Variants in SMARCAD1 observed in about 807,000 individuals in gnomAD.
The protein encoded by SMARCAD1 is SNF2 related chromatin remodeling ATPase with DExD box 1, also known as SWI/SNF-related matrix-associated actin-dependent regulator of chromatin subfamily A containing DEAD/H box 1.
Under a neutral mutation model 127.1 loss-of-function variants are expected in SMARCAD1, and 25 were observed. The observed-to-expected ratio is 0.20, with a 90% CI of 0.14 to 0.27. The LOEUF (loss-of-function observed/expected upper bound fraction) is 0.27. SMARCAD1 is among the 10% of genes least tolerant of loss of function. The pLI, the probability that SMARCAD1 is intolerant of heterozygous loss-of-function variation, is 1.00. For missense variants in SMARCAD1, 807 were observed against 1,206.0 expected (o/e 0.67, Z 4.90); for synonymous variants, 400 against 396.9 (o/e 1.01, Z -0.09).
At chr4:94,235,936 G>A (rs1000814681) in intron 4 of SMARCAD1, among the ~76,000 whole-genome samples, 1 of 151,962 alleles carries the variant, frequency 6.6e-6, no homozygotes, top group South Asian at 2.1e-4. Flanking sequence ...GTGTAATTTA[G>A]TATATCACAC....
intron 12 of SMARCAD1, 53 bp from the exon 13 acceptor site, chr4:94,274,685 T>C: frequency 6.7e-7 from 1 of 1,497,172 alleles, no homozygotes; most frequent in Non-Finnish European, 9.3e-7. Context: ...AATTTAACCA[T>C]GTGAACATAC....
intron 23 of SMARCAD1, among the ~76,000 whole-genome samples, chr4:94,286,287 G>A (rs10027578): frequency 0.13 from 20,302 of 152,128 alleles, 1,660 homozygotes; most frequent in Non-Finnish European, 0.18. Flanking sequence ...TCTATGACAA[G>A]TCCAGAGTTC....
chr4:94,258,068 C>T lies in SMARCAD1; in HGVS notation c.1281+5061C>T, dbSNP rs538209981. Among the ~76,000 whole-genome samples the T allele has an allele frequency of 7.2e-4, 108 of 150,620 alleles. 2 individuals carry two copies. In the South Asian group the frequency reaches 0.022, roughly 30 times the overall value. ...TTTTTTTCCTAGTTGTTATTTGTCT[C>T]GGTTTTTCTCTTTATTTTCCTATAT... is the stretch of plus-strand genomic sequence containing the variant. On this transcript the variant is annotated intron_variant, in intron 9 of 23. Coordinates refer to ENST00000354268, the MANE Select transcript of SMARCAD1 (RefSeq NM_020159.5).
intron 6 of SMARCAD1, among the ~76,000 whole-genome samples, chr4:94,247,288 T>C: frequency 6.6e-6 from 1 of 152,282 alleles, no homozygotes; most frequent in African/African-American, 2.4e-5. Context: ...CTGGGTCGAA[T>C]CATATCCCTT....
Position 94,291,217 on chromosome 4 carries a change from CTAATG to C in SMARCAD1, c.*1684_*1688del. The C allele has an allele frequency of 2.2e-6, 1 of 453,902 alleles. No homozygotes were observed. The highest frequency in any genetic ancestry group is 4.4e-6 in the Non-Finnish European group (1 of 226,696). 28.1% of individuals were successfully genotyped at this position (453,902 alleles called of 1,614,324 possible). ...TGTTGTTATATCCATACTTTTATCT[CTAATG>C]AAATGTAGTTGGGTTCTTCCTGTAA... On this transcript the variant is annotated 3_prime_UTR_variant, in exon 24 of 24. Transcript: ENST00000354268.
At chr4:94,208,675 A>T (rs564764164) in intron 2 of SMARCAD1, 91 bp downstream of exon 2, 1 of 1,198,872 alleles carries the variant, frequency 8.3e-7, no homozygotes, top group African/African-American at 1.5e-5. Flanking sequence ...TCTTGATGTC[A>T]TATATATTGA....
Position 94,289,507 on chromosome 4 carries a change from A to G in SMARCAD1, c.3054A>G (p.Thr1018=), listed in dbSNP as rs1755419785. The change falls in exon 24 of 24, where the codon ACA becomes ACG. Residue 1018 remains threonine, a synonymous_variant. Coordinates refer to ENST00000354268, the MANE Select transcript of SMARCAD1 (RefSeq NM_020159.5). ...DEGSMPADIA[T]LLKTSMGL ...GGAGTATGCCAGCAGATATAGCCAC[A>G]TTACTAAAAACATCAATGGGCCTGT... 2 of 1,613,480 alleles carry G rather than the reference A, an allele frequency of 1.2e-6. No homozygotes were observed. Among genetic ancestry groups the G allele is most frequent in the Non-Finnish European group, 8.5e-7 (1 of 1,179,514 alleles).
chr4:94,211,677 T>G (rs2125785528), intron 2 of SMARCAD1, among the ~76,000 whole-genome samples: 1 of 152,288 alleles, frequency 6.6e-6, no homozygotes, highest in East Asian at 1.9e-4. Context: ...ATGACCCTCC[T>G]TCAGTTACTG....
At position 94,273,703 on chromosome 4, in the gene SMARCAD1, A is replaced by C; in HGVS notation, c.1659A>C (p.Pro553=). 6.2e-7 allele frequency: 1 copy of C among 1,613,032 alleles called. No homozygotes were observed. Among genetic ancestry groups the C allele is most frequent in the Non-Finnish European group, 8.5e-7 (1 of 1,179,134 alleles). Residue 553 remains proline (P), a synonymous_variant, in exon 12 of 24, where the codon CCA becomes CCC. Coordinates refer to ENST00000354268, the MANE Select transcript of SMARCAD1 (RefSeq NM_020159.5). ...ATGGTCCTCATTTGATCGTTGTTCC[A>C]GCTTCAACTATAGGTTTGTAATACT... The part of the protein sequence containing the change: ...GNNGPHLIVV[P]ASTIDNWLRE...
intron 9 of SMARCAD1, chr4:94,253,322 A>T: frequency 7.5e-7 from 1 of 1,341,744 alleles, no homozygotes; most frequent in East Asian, 4.5e-5. Context: ...TTTAGGAAGG[A>T]GTTGTTTGCT....
In SMARCAD1 at chr4:94,277,036, G is replaced by A. The variant is rs1426358062; in HGVS notation, c.1959G>A (p.Leu653=). The change falls in exon 16 of 24, where the codon TTG becomes TTA. Residue 653 remains leucine, a synonymous_variant. Transcript: ENST00000354268. ...HLMTINANNR[L]LLTGTPVQNN... ...TTCATTCACAGGCAAATAACCGTTT[G>A]CTGCTCACAGGCACACCTGTACAGA... 50 of 1,613,884 alleles carry A rather than the reference G, an allele frequency of 3.1e-5. No homozygotes were observed. The highest frequency in any genetic ancestry group is 4.2e-5 in the Non-Finnish European group (49 of 1,179,958).
At chr4:94,267,347 A>G (rs1751879476) in intron 10 of SMARCAD1, among the ~76,000 whole-genome samples, 1 of 152,180 alleles carries the variant, frequency 6.6e-6, no homozygotes, top group Non-Finnish European at 1.5e-5. Context: ...ATATTGTGGT[A>G]GTATTTGCAG....
chr4:94,243,912 GT>G (rs1266829856), intron 6 of SMARCAD1, among the ~76,000 whole-genome samples: 2 of 152,198 alleles, frequency 1.3e-5, no homozygotes, highest in East Asian at 3.9e-4. Flanking sequence ...CAGAGGGAAT[GT>G]TTTGAGTATT....
At chr4:94,275,806 T>TTTA (rs1753203469) in intron 14 of SMARCAD1, among the ~76,000 whole-genome samples, 3 of 59,814 alleles carry the variant, frequency 5.0e-5, no homozygotes, top group Non-Finnish European at 8.0e-5. Flanking sequence ...CTTTTTTTTT[T>TTTA]TTTTTTTTGA....
At chr4:94,223,712 C>T (rs981035600) in intron 2 of SMARCAD1, among the ~76,000 whole-genome samples, 38 of 145,846 alleles carry the variant, frequency 2.6e-4, no homozygotes, top group African/African-American at 9.2e-4. Flanking sequence ...GAACTACTGG[C>T]GTGCACCACC....
intron 21 of SMARCAD1, among the ~76,000 whole-genome samples, chr4:94,282,229 T>C (rs1754195220): frequency 1.0e-5 from 1 of 99,130 alleles, no homozygotes; most frequent in Non-Finnish European, 2.2e-5. Context: ...CCCGAGTAGC[T>C]GGGACTACAG....
At chr4:94,256,508 G>T (rs1048092232) in intron 9 of SMARCAD1, among the ~76,000 whole-genome samples, 2 of 152,014 alleles carry the variant, frequency 1.3e-5, no homozygotes, top group African/African-American at 4.8e-5. Context: ...GATTACAGGT[G>T]CCCGCCACCA....
intron 6 of SMARCAD1, among the ~76,000 whole-genome samples, chr4:94,242,680 G>T (rs1747775952): frequency 6.6e-6 from 1 of 150,492 alleles, no homozygotes; most frequent in South Asian, 2.1e-4. Flanking sequence ...GAGGCAGGAG[G>T]ATTGCTTGAG....
rs1171039200 is a variant in SMARCAD1 at position 94,280,536 on chromosome 4, A to G, written c.2419-56A>G. ...TAAACAGTTTTATTAAACTTTTCTC[A>G]TCATATTATTAATTATTTTTATTTT... On this transcript the variant is annotated intron_variant, in intron 19 of 23. Coordinates refer to ENST00000354268, the MANE Select transcript of SMARCAD1 (RefSeq NM_020159.5). The G allele has an allele frequency of 8.7e-6, 12 of 1,372,898 alleles. No individual in the cohort carries two copies. The East Asian group carries it at 2.6e-4, about 30-fold the overall frequency. The allele number at this position is 1,372,898 out of a possible 1,614,324, so 85.0% of individuals were successfully genotyped here. A position where few individuals can be genotyped will look rare whatever the true frequency, so the allele number is the denominator to read the frequency against.
Sources: allele counts gnomAD v4.1 joint callset (sites outside exome capture counted in the v4.1 genomes callset), GRCh38; gene constraint gnomAD v4.1.1; transcripts MANE v1.5; gene names NCBI Gene and HGNC (gene_info 2026-07-23, HGNC 2026-07-21).